SFMBT2: variants seen among roughly 807,000 people sequenced by gnomAD.
The protein encoded by SFMBT2 is scm-like with four MBT domains protein 2.
SFMBT2 carries 38 observed loss-of-function variants against 110.1 expected under a neutral mutation model. That is an observed-to-expected ratio of 0.35 (90% CI 0.27 to 0.45). The LOEUF (loss-of-function observed/expected upper bound fraction) is 0.45, where lower values mean the gene tolerates loss of function less well. Ranked by LOEUF, SFMBT2 falls within the 20% of genes least tolerant of loss-of-function variation. The probability of loss-of-function intolerance (pLI) is 1.00; values close to 1 mark genes in which losing one functional copy is unlikely to be tolerated. For missense variants in SFMBT2, 1,011 were observed against 1,094.9 expected (o/e 0.92, Z 1.08); for synonymous variants, 425 against 425.4 (o/e 1.00, Z 0.01).
rs765700206 is a variant in SFMBT2, at chr10:7,197,735, C to A, written c.1559-48G>T. On this transcript the variant is annotated intron_variant, in intron 14 of 20. Coordinates refer to ENST00000397167, the MANE Select transcript of SFMBT2 (RefSeq NM_001387889.1). ...CCATGCTTAGGACCACAGCCCCAGA[C>A]CCTAGGGGACCCCTAGACCCTTGCT... 6 of 1,598,136 alleles carry A rather than the reference C, an allele frequency of 3.8e-6. No individual in the cohort carries two copies. In the East Asian group the frequency reaches 1.1e-4, roughly 30 times the overall value.
At chr10:7,409,345 G>A (rs1846309026) in intron 1 of SFMBT2, 1 of 152,226 alleles carries the variant, frequency 6.6e-6, no homozygotes, top group Non-Finnish European at 1.5e-5. Context: ...CAAGGCGAGA[G>A]CTAGCTCGTC....
At chr10:7,228,056 C>A in intron 9 of SFMBT2, 119 bp from the exon 10 acceptor site, 1 of 649,188 alleles carries the variant, frequency 1.5e-6, no homozygotes. Context: ...TGATGCCTAA[C>A]AGCACTTCAG....
rs1845835954 is a variant in SFMBT2, at chr10:7,393,379, T to G, written c.-51-11430A>C. Among the ~76,000 whole-genome samples, 2 of 152,078 alleles carry G rather than the reference T, an allele frequency of 1.3e-5. 1 individual carries two copies. Among genetic ancestry groups the G allele is most frequent in the South Asian group, 4.1e-4 (2 of 4,822 alleles). On this transcript the variant is annotated intron_variant, in intron 1 of 20. Coordinates refer to ENST00000397167, the MANE Select transcript of SFMBT2 (RefSeq NM_001387889.1). ...ACAAGGCTGTTTCAGTTCACCAAACTTTCATTCAATAAGAAAAGTCGAAGG... is the reference window on the plus strand; with the variant it reads ...ACAAGGCTGTTTCAGTTCACCAAACGTTCATTCAATAAGAAAAGTCGAAGG...
chr10:7,169,217 C>A (rs771282798), intron 20 of SFMBT2, among the ~76,000 whole-genome samples: 1 of 152,100 alleles, frequency 6.6e-6, no homozygotes. Flanking sequence ...CTGCCTGTCT[C>A]GGCCTCCCAA....
At chr10:7,358,512 C>A (rs986356340) in intron 4 of SFMBT2, among the ~76,000 whole-genome samples, 1 of 151,886 alleles carries the variant, frequency 6.6e-6, no homozygotes, top group Non-Finnish European at 1.5e-5. Context: ...CCTGCATGGC[C>A]CTGGAACAGA....
chr10:7,210,243 C>T (rs1182978733), intron 11 of SFMBT2, among the ~76,000 whole-genome samples: 1 of 152,078 alleles, frequency 6.6e-6, no homozygotes, highest in East Asian at 1.9e-4. Context: ...ACCCAGAGCC[C>T]CAGGATGAAA....
chr10:7,220,402 A>C lies in SFMBT2; in HGVS notation c.1330+9T>G, dbSNP rs751495841. On this transcript the variant is annotated intron_variant, in intron 11 of 20. Coordinates refer to ENST00000397167, the MANE Select transcript of SFMBT2 (RefSeq NM_001387889.1). ...CCCCCAGCGACTGCTACCCCCAGCGAGTACGTACCTTCCAGGTGAAGCCAC... is the reference window on the plus strand; with the variant it reads ...CCCCCAGCGACTGCTACCCCCAGCGCGTACGTACCTTCCAGGTGAAGCCAC... 3 of 1,613,026 alleles carry C rather than the reference A, an allele frequency of 1.9e-6. No homozygotes were observed. Among genetic ancestry groups the C allele is most frequent in the Non-Finnish European group, 2.5e-6 (3 of 1,179,338 alleles).
intron 7 of SFMBT2, chr10:7,249,594 T>A (rs1212319732): frequency 1.9e-5 from 19 of 975,848 alleles, no homozygotes; most frequent in Non-Finnish European, 2.2e-5. Flanking sequence ...TACTTTCTTT[T>A]ACCTGCAAAT....
At chr10:7,247,124 T>C (rs1840643227) in intron 8 of SFMBT2, among the ~76,000 whole-genome samples, 1 of 152,116 alleles carries the variant, frequency 6.6e-6, no homozygotes, top group South Asian at 2.1e-4. Context: ...TTGTTGTTGT[T>C]TGTTTGTTTT....
chr10:7,371,511 T>C (rs761230077), intron 2 of SFMBT2, among the ~76,000 whole-genome samples: 6 of 152,182 alleles, frequency 3.9e-5, no homozygotes, highest in Non-Finnish European at 8.8e-5. Flanking sequence ...TAAGGCTACA[T>C]ATACGATAAA....
At chr10:7,285,202 C>G (rs1199515218) in intron 5 of SFMBT2, 1 of 152,224 alleles carries the variant, frequency 6.6e-6, no homozygotes, top group African/African-American at 2.4e-5. Context: ...CAGTGCCTTT[C>G]TCTTCCTGTT....
chr10:7,307,764 G>A (rs1842736685), intron 4 of SFMBT2, among the ~76,000 whole-genome samples: 1 of 152,156 alleles, frequency 6.6e-6, no homozygotes, highest in African/African-American at 2.4e-5. Flanking sequence ...TATCCATGTG[G>A]AAGAGGAAAA....
intron 4 of SFMBT2, among the ~76,000 whole-genome samples, chr10:7,338,840 C>T (rs1843801490): frequency 6.6e-6 from 1 of 152,202 alleles, no homozygotes; most frequent in Admixed American, 6.5e-5. Flanking sequence ...AGTCTGCACT[C>T]TTCCCAGGTT....
chr10:7,296,051 G>A (rs543464205), intron 4 of SFMBT2, among the ~76,000 whole-genome samples: 98 of 152,224 alleles, frequency 6.4e-4, no homozygotes, highest in Middle Eastern at 3.4e-3. Flanking sequence ...ACTCTGCAAG[G>A]TATCTTTAAA....
rs775226979 is a variant in SFMBT2, at chr10:7,274,394, A to G, written c.870+2498T>C. ...CCACCTAAATCTCATTTTGAATTATAGCTCCCATAATCCCCACATGTTGTG... is the reference window on the plus strand; with the variant it reads ...CCACCTAAATCTCATTTTGAATTATGGCTCCCATAATCCCCACATGTTGTG... On this transcript the variant is annotated intron_variant, in intron 7 of 20. Coordinates refer to ENST00000397167, the MANE Select transcript of SFMBT2 (RefSeq NM_001387889.1). Among the ~76,000 whole-genome samples the G allele has an allele frequency of 2.0e-5, 3 of 152,186 alleles. No individual in the cohort carries two copies. In the South Asian group the frequency reaches 6.2e-4, roughly 32 times the overall value.
At chr10:7,208,460 G>A (rs932401688) in intron 11 of SFMBT2, among the ~76,000 whole-genome samples, 3 of 152,072 alleles carry the variant, frequency 2.0e-5, no homozygotes, top group Admixed American at 6.5e-5. Context: ...TGAGGCGGGC[G>A]GATCACCTGA....
chr10:7,213,888 G>A (rs903575981), intron 11 of SFMBT2, among the ~76,000 whole-genome samples: 6 of 152,224 alleles, frequency 3.9e-5, no homozygotes, highest in African/African-American at 1.4e-4. Flanking sequence ...GAAAGACGAG[G>A]CCACGCTGGG....
At position 7,329,876 on chromosome 10, in the gene SFMBT2, G is replaced by T. The variant is rs117325383; in HGVS notation, c.436+37773C>A. Among the ~76,000 whole-genome samples, 296 of 152,314 alleles carry T rather than the reference G, an allele frequency of 1.9e-3. 5 individuals are homozygous for T. The East Asian group carries it at 0.045, about 23-fold the overall frequency. On this transcript the variant is annotated intron_variant, in intron 4 of 20. Coordinates refer to ENST00000397167, the MANE Select transcript of SFMBT2 (RefSeq NM_001387889.1). ...AGGTCACTCGGGCTGTCCCCTATTG[G>T]ATCCAACAGTCCCAAACAAAGCCAC...
At chr10:7,342,385 C>A (rs1193053739) in intron 4 of SFMBT2, among the ~76,000 whole-genome samples, 1 of 137,218 alleles carries the variant, frequency 7.3e-6, no homozygotes, top group Non-Finnish European at 1.6e-5. Context: ...AGGAATTGCA[C>A]TGGAGTGAGT....
Sources: allele counts gnomAD v4.1 joint callset (sites outside exome capture counted in the v4.1 genomes callset), GRCh38; gene constraint gnomAD v4.1.1; transcripts MANE v1.5; gene names NCBI Gene and HGNC (gene_info 2026-07-23, HGNC 2026-07-21).